Variants in DIP2B observed in about 807,000 individuals in gnomAD.
DIP2B encodes the protein disco-interacting protein 2 homolog B.
A neutral mutation model predicts 198.0 loss-of-function variants in DIP2B; 76 were observed. The ratio of observed to expected loss-of-function variants is 0.38; its 90% CI spans 0.32 to 0.46. The LOEUF (loss-of-function observed/expected upper bound fraction) is 0.46, where lower values mean the gene tolerates loss of function less well. Among genes scored for constraint, DIP2B ranks in the 20% least tolerant of loss-of-function variants. The pLI is 0.99. For synonymous variants in DIP2B, 701 were observed against 739.1 expected (o/e 0.95, Z 0.84); for missense variants, 1,559 against 1,978.4 (o/e 0.79, Z 4.02).
chr12:50,610,734 C>G (rs527592063), intron 1 of DIP2B, among the ~76,000 whole-genome samples: 1 of 151,774 alleles, frequency 6.6e-6, no homozygotes, highest in Non-Finnish European at 1.5e-5. Flanking sequence ...TCTTGATCAC[C>G]TGACCTCGTG....
intron 1 of DIP2B, among the ~76,000 whole-genome samples, chr12:50,517,384 C>T (rs1166581494): frequency 6.6e-6 from 1 of 152,028 alleles, no homozygotes. Context: ...GATCCATATT[C>T]TAATGGATCA....
intron 1 of DIP2B, among the ~76,000 whole-genome samples, chr12:50,615,511 C>T (rs192647652): frequency 9.9e-5 from 15 of 152,284 alleles, no homozygotes; most frequent in Admixed American, 2.6e-4. Flanking sequence ...TGATCTGAGT[C>T]TAGCACTGTG....
intron 3 of DIP2B, among the ~76,000 whole-genome samples, chr12:50,653,581 A>C (rs1938500858): frequency 6.6e-6 from 1 of 151,338 alleles, no homozygotes; most frequent in Non-Finnish European, 1.5e-5. Context: ...GGCTCAAGTG[A>C]TCTGCCCACC....
chr12:50,594,351 A>G (rs1204012454), intron 1 of DIP2B, among the ~76,000 whole-genome samples: 3 of 152,158 alleles, frequency 2.0e-5, no homozygotes, highest in Admixed American at 6.5e-5. Flanking sequence ...AATATGAACC[A>G]TGACATCTTT....
intron 1 of DIP2B, among the ~76,000 whole-genome samples, chr12:50,512,041 C>T (rs1413164644): frequency 6.6e-6 from 1 of 151,354 alleles, no homozygotes; most frequent in African/African-American, 2.4e-5. Flanking sequence ...TACCTTGGCT[C>T]CCCCAAAGTG....
intron 1 of DIP2B, among the ~76,000 whole-genome samples, chr12:50,582,468 AT>A (rs1174569706): frequency 6.6e-6 from 1 of 151,766 alleles, no homozygotes; most frequent in Non-Finnish European, 1.5e-5. Flanking sequence ...TTTTTTTCTG[AT>A]TAGTTATTAA....
intron 17 of DIP2B, among the ~76,000 whole-genome samples, chr12:50,697,505 T>C (rs1388132756): frequency 2.0e-5 from 3 of 149,088 alleles, no homozygotes; most frequent in Non-Finnish European, 4.4e-5. Context: ...TAAGTATCAG[T>C]GAATGTGTGT....
chr12:50,720,137 T>G (rs938184928), intron 25 of DIP2B, among the ~76,000 whole-genome samples: 1 of 151,676 alleles, frequency 6.6e-6, no homozygotes, highest in Non-Finnish European at 1.5e-5. Flanking sequence ...CACATGTTGG[T>G]CAGGCTGGTC....
At chr12:50,506,764 CTCAT>C (rs1374629122) in intron 1 of DIP2B, among the ~76,000 whole-genome samples, 2 of 152,204 alleles carry the variant, frequency 1.3e-5, no homozygotes, top group Middle Eastern at 3.2e-3. Flanking sequence ...CTCAAGATAA[CTCAT>C]TCTTCTCCTA....
At chr12:50,657,631 A>G (rs1381005008) in intron 3 of DIP2B, among the ~76,000 whole-genome samples, 1 of 152,070 alleles carries the variant, frequency 6.6e-6, no homozygotes, top group Non-Finnish European at 1.5e-5. Context: ...ATCTTTACAA[A>G]AAAAAAAAGA....
chr12:50,679,091 C>CA (rs1255243620), intron 8 of DIP2B: 1 of 562,106 alleles, frequency 1.8e-6, no homozygotes, highest in African/African-American at 1.9e-5. Flanking sequence ...TAAAAGACAG[C>CA]AAAAAGAAGA....
At chr12:50,674,712 C>T in intron 6 of DIP2B, 83 bp downstream of exon 6, 1 of 1,532,058 alleles carries the variant, frequency 6.5e-7, no homozygotes, top group Non-Finnish European at 8.9e-7. Context: ...TCCTAACTAG[C>T]CCAGCAGCTG....
At chr12:50,547,450 T>A (rs1958387494) in intron 1 of DIP2B, among the ~76,000 whole-genome samples, 1 of 152,174 alleles carries the variant, frequency 6.6e-6, no homozygotes, top group South Asian at 2.1e-4. Context: ...TAAAAACATA[T>A]GTAGAGAGAT....
In DIP2B at chr12:50,723,543, A is replaced by G. The variant is rs71466983; in HGVS notation, c.3288+220A>G. On this transcript the variant is annotated intron_variant, in intron 27 of 37. Coordinates refer to ENST00000301180, the MANE Select transcript of DIP2B (RefSeq NM_173602.3). ...GTGAGATACAGAATTGTGTGCAGTTATCATGAACATTAAAGAGGTGAAGCA... is the reference window on the plus strand; with the variant it reads ...GTGAGATACAGAATTGTGTGCAGTTGTCATGAACATTAAAGAGGTGAAGCA... Among the ~76,000 whole-genome samples the G allele has an allele frequency of 8.6e-3, 1,312 of 152,338 alleles. 9 individuals are homozygous for G. The highest frequency in any genetic ancestry group is 0.015 in the Non-Finnish European group (1,035 of 68,026).
At chr12:50,566,708 A>C (rs930597897) in intron 1 of DIP2B, among the ~76,000 whole-genome samples, 2 of 151,974 alleles carry the variant, frequency 1.3e-5, no homozygotes, top group Non-Finnish European at 2.9e-5. Flanking sequence ...AGTGGCTCAC[A>C]CCTATAATCC....
chr12:50,686,056 C>A, intron 11 of DIP2B, 100 bp downstream of exon 11: 1 of 1,174,398 alleles, frequency 8.5e-7, no homozygotes, highest in Non-Finnish European at 1.2e-6. Flanking sequence ...CATATATGTT[C>A]TATTTAATTC....
At chr12:50,703,558 A>G (rs1193788694) in intron 19 of DIP2B, among the ~76,000 whole-genome samples, 1 of 152,202 alleles carries the variant, frequency 6.6e-6, no homozygotes, top group African/African-American at 2.4e-5. Context: ...CAATTTCCTG[A>G]ATACTGATTC....
chr12:50,549,824 T>C (rs908605737), intron 1 of DIP2B, among the ~76,000 whole-genome samples: 26 of 151,908 alleles, frequency 1.7e-4, no homozygotes, highest in Non-Finnish European at 4.4e-5. Flanking sequence ...ATAGCTTAAG[T>C]CTGTGTGCAC....
At position 50,675,458 on chromosome 12, in the gene DIP2B, A is replaced by G; in HGVS notation, c.916+10A>G. On this transcript the variant is annotated intron_variant, in intron 7 of 37. Transcript: ENST00000301180. ...GAAGAAATTGTGGAAGGTAGTAGTAAAAATACCAAAAACATATATTCATTA... is the reference window on the plus strand; with the variant it reads ...GAAGAAATTGTGGAAGGTAGTAGTAGAAATACCAAAAACATATATTCATTA... The G allele has an allele frequency of 1.2e-6, 2 of 1,611,972 alleles. No homozygotes were observed. Among genetic ancestry groups the G allele is most frequent in the Non-Finnish European group, 1.7e-6 (2 of 1,178,680 alleles).
Sources: gnomAD v4.1 joint callset for allele counts (sites outside exome capture counted in the v4.1 genomes callset) on GRCh38, gnomAD v4.1.1 for gene constraint, MANE v1.5 for transcripts, NCBI Gene and HGNC (gene_info 2026-07-23, HGNC 2026-07-21) for gene names.